The following ANKRD23 variants were observed in gnomAD, a reference collection of about 807,000 sequenced individuals.
ANKRD23 encodes the protein ankyrin repeat domain 23, also known as ankyrin repeat domain-containing protein 23.
ANKRD23 carries 52 observed loss-of-function variants against 38.1 expected under a neutral mutation model. The ratio of observed to expected loss-of-function variants is 1.36; its 90% confidence interval spans 1.09 to 1.72. The LOEUF (loss-of-function observed/expected upper bound fraction) is 1.72, where lower values mean the gene tolerates loss of function less well. ANKRD23 is among the 40% of genes most tolerant of loss of function. The pLI, the probability that ANKRD23 is intolerant of heterozygous loss-of-function variation, is 0.00. For synonymous variants in ANKRD23, 167 were observed against 162.9 expected (o/e 1.03, Z -0.19); for missense variants, 416 against 400.2 (o/e 1.04, Z -0.34).
chr2:96,841,880 G>A (rs1259904700), intron 3 of ANKRD23, among the ~76,000 whole-genome samples, 180 bp downstream of exon 3: 1 of 152,228 alleles, frequency 6.6e-6, no homozygotes, highest in Non-Finnish European at 1.5e-5. Flanking sequence ...TGTCCAGGCT[G>A]TGGGACTTTG....
At chr2:96,841,149 C>A in intron 3 of ANKRD23, 1 of 480,502 alleles carries the variant, frequency 2.1e-6, no homozygotes. Context: ...GAAGTACTAA[C>A]CCCAGGTACC....
chr2:96,841,978 C>G (rs942945973), intron 3 of ANKRD23, 82 bp downstream of exon 3: 2 of 1,589,728 alleles, frequency 1.3e-6, no homozygotes, highest in Non-Finnish European at 1.7e-6. Flanking sequence ...TCCTGGCCTG[C>G]AGTGCCCACT....
intron 3 of ANKRD23, 183 bp from the exon 4 acceptor site, chr2:96,841,095 G>A: frequency 2.9e-6 from 2 of 688,382 alleles, no homozygotes; most frequent in Non-Finnish European, 2.3e-6. Context: ...GTGTGTGTGA[G>A]CGTGTGTGTT....
In ANKRD23 at chr2:96,840,112, G is replaced by T. The variant is rs2079742304; in HGVS notation, c.625-17C>A. The stretch of plus-strand genomic sequence containing the variant: ...GCTCCCGATCTGAGAGCAAGTGGGG[G>T]TCAGTGCTGGGTCTGGATTGGTGAG... On this transcript the variant is annotated splice_polypyrimidine_tract_variant and intron_variant, in intron 6 of 8. Transcript: ENST00000318357. 5.2e-6 allele frequency: 8 copies of T among 1,550,790 alleles called. No homozygotes were observed. In the South Asian group the frequency reaches 9.5e-5, roughly 18 times the overall value.
intron 2 of ANKRD23, 54 bp downstream of exon 2, chr2:96,842,311 C>G: frequency 6.2e-7 from 1 of 1,603,798 alleles, no homozygotes; most frequent in Non-Finnish European, 8.5e-7. Flanking sequence ...CACTGCTCAG[C>G]CGGCCTCAGG....
In ANKRD23 at chr2:96,839,327, G is replaced by T. The variant is rs1054612014; in HGVS notation, c.*222C>A. On this transcript the variant is annotated 3_prime_UTR_variant, in exon 9 of 9. Coordinates refer to ENST00000318357, the MANE Select transcript of ANKRD23 (RefSeq NM_144994.8). ...TTGTGGTCCTCTGCTCCAGCCCTGGGAGGGAACGCGGCTCCCCTGACACTC... is the reference window on the plus strand; with the variant it reads ...TTGTGGTCCTCTGCTCCAGCCCTGGTAGGGAACGCGGCTCCCCTGACACTC... 4.8e-6 allele frequency: 6 copies of T among 1,249,588 alleles called. No individual in the cohort carries two copies. The highest frequency in any genetic ancestry group is 4.0e-6 in the Non-Finnish European group (4 of 999,180). 77.4% of individuals were successfully genotyped at this position (1,249,588 alleles called of 1,614,324 possible). A position where few individuals can be genotyped will look rare whatever the true frequency, so the allele number is the denominator to read the frequency against.
chr2:96,839,135 C>T lies in ANKRD23; in HGVS notation c.*414G>A. ...TGAGTCCCCACACACACAGACTGGCCCTGGAGAGAGCAAGGCAAGCCCCCT... is the reference window on the plus strand; with the variant it reads ...TGAGTCCCCACACACACAGACTGGCTCTGGAGAGAGCAAGGCAAGCCCCCT... On this transcript the variant is annotated 3_prime_UTR_variant, in exon 9 of 9. Transcript: ENST00000318357. 4.0e-6 allele frequency: 4 copies of T among 999,904 alleles called. No homozygotes were observed. The highest frequency in any genetic ancestry group is 4.7e-5 in the South Asian group (1 of 21,462). The allele number at this position is 999,904 out of a possible 1,614,324, so 61.9% of individuals were successfully genotyped here. A position where few individuals can be genotyped will look rare whatever the true frequency, so the allele number is the denominator to read the frequency against.
intron 1 of ANKRD23, 89 bp downstream of exon 1, chr2:96,843,877 C>G: frequency 7.4e-7 from 1 of 1,356,690 alleles, no homozygotes; most frequent in Non-Finnish European, 1.0e-6. Context: ...ACCCTCACAC[C>G]ACAGAAAGAA....
rs549401513 is a variant in ANKRD23 at position 96,840,914 on chromosome 2, T to C, written c.301-2A>G. The C allele has an allele frequency of 1.2e-6, 2 of 1,613,768 alleles. No individual in the cohort carries two copies. The highest frequency in any genetic ancestry group is 2.2e-5 in the South Asian group (2 of 91,050). ...CTCCACCTGGGCCTGGGACTGCGGC[T>C]GGTTCAGTTGAAGACAAGACCAAAT... On this transcript the variant is annotated splice_acceptor_variant, in intron 3 of 8. Transcript: ENST00000318357. LOFTEE classifies it high-confidence loss of function.
In ANKRD23 at chr2:96,840,663, C is replaced by T. The variant is rs2079749826; in HGVS notation, c.426+124G>A. On this transcript the variant is annotated intron_variant, in intron 4 of 8. Transcript: ENST00000318357. ...GCTCCCTCTCCTCCGTCTGCAGGTGCCACTGGATTCATGCCCATAAGAGTG... is the reference window on the plus strand; with the variant it reads ...GCTCCCTCTCCTCCGTCTGCAGGTGTCACTGGATTCATGCCCATAAGAGTG... 11 of 1,520,764 alleles carry T rather than the reference C, an allele frequency of 7.2e-6. No homozygotes were observed. In the South Asian group the frequency reaches 1.1e-4, roughly 15 times the overall value. 94.2% of individuals were successfully genotyped at this position (1,520,764 alleles called of 1,614,324 possible). A position where few individuals can be genotyped will look rare whatever the true frequency, so the allele number is the denominator to read the frequency against.
intron 1 of ANKRD23, among the ~76,000 whole-genome samples, chr2:96,843,159 T>C (rs768989279): frequency 4.6e-5 from 7 of 152,118 alleles, no homozygotes; most frequent in Non-Finnish European, 1.0e-4. Context: ...AATCAGCCTG[T>C]TGTGGGGAAA....
At position 96,840,079 on chromosome 2, in the gene ANKRD23, A is replaced by AG. The variant is rs751648755; in HGVS notation, c.640dup (p.Leu214ProfsTer28). 2.6e-6 allele frequency: 4 copies of AG among 1,558,778 alleles called. No homozygotes were observed. In the Admixed American group the frequency reaches 5.8e-5, roughly 23 times the overall value. Reference sequence around the variant, plus strand: ...GTGCCGGGTGCGCACTGCCACGTGCAGGGGGGTGCTCCCGATCTGAGAGCA... The same window carrying AG: ...GTGCCGGGTGCGCACTGCCACGTGCAGGGGGGGTGCTCCCGATCTGAGAGCA... On this transcript the variant is annotated frameshift_variant, in exon 7 of 9. Transcript: ENST00000318357. LOFTEE classifies it high-confidence loss of function.
At chr2:96,841,126 C>T (rs1030311759) in intron 3 of ANKRD23, 7 of 553,382 alleles carry the variant, frequency 1.3e-5, no homozygotes, top group Admixed American at 3.5e-5. Context: ...TTGTATCTCC[C>T]CAAGATTCGT....
In ANKRD23 at chr2:96,838,828, A is replaced by G. The variant is rs2079722893; in HGVS notation, c.*721T>C. 12 of 985,374 alleles carry G rather than the reference A, an allele frequency of 1.2e-5. No individual in the cohort carries two copies. The highest frequency in any genetic ancestry group is 1.7e-5 in the African/African-American group (1 of 57,238). 61.0% of individuals were successfully genotyped at this position (985,374 alleles called of 1,614,324 possible). A position where few individuals can be genotyped will look rare whatever the true frequency, so the allele number is the denominator to read the frequency against. On this transcript the variant is annotated 3_prime_UTR_variant, in exon 9 of 9. Coordinates refer to ENST00000318357, the MANE Select transcript of ANKRD23 (RefSeq NM_144994.8). ...ATGCGCGCTCCAGCTCATCAGTCTTAGGGCTTCTGAGGCAACCTAGTGGGT... is the reference window on the plus strand; with the variant it reads ...ATGCGCGCTCCAGCTCATCAGTCTTGGGGCTTCTGAGGCAACCTAGTGGGT...
In ANKRD23 at chr2:96,842,107, G is replaced by A. The variant is rs141023516; in HGVS notation, c.253C>T (p.Arg85Ter). 6.8e-6 allele frequency: 11 copies of A among 1,614,014 alleles called. No homozygotes were observed. The highest frequency in any genetic ancestry group is 4.0e-5 in the African/African-American group (3 of 74,920). ...LENLVQRRKKRLRHRVPPRKP... is the reference protein window; with the variant it reads ...LENLVQRRKK ...CTGGGGGGGACTCTGTGTCTCAGTC[G>A]CTTTTTCCGTCTTTGAACCAAGTTT... The change falls in exon 3 of 9, where the codon CGA becomes TGA. Residue 85 changes from arginine to a stop codon, truncating the protein, a stop_gained. Transcript: ENST00000318357. LOFTEE classifies it high-confidence loss of function.
At position 96,843,949 on chromosome 2, in the gene ANKRD23, C is replaced by G; in HGVS notation, c.27+17G>C. The G allele has an allele frequency of 1.2e-6, 2 of 1,604,544 alleles. No homozygotes were observed. Among genetic ancestry groups the G allele is most frequent in the Non-Finnish European group, 1.7e-6 (2 of 1,175,798 alleles). On this transcript the variant is annotated intron_variant, in intron 1 of 8. Coordinates refer to ENST00000318357, the MANE Select transcript of ANKRD23 (RefSeq NM_144994.8). ...GCCGGTCCCAGGGTGCCTCCCACCT[C>G]CGTCCCACATCCTTACCAACTGCTG... is the stretch of plus-strand genomic sequence containing the variant.
At position 96,841,063 on chromosome 2, in the gene ANKRD23, G is replaced by A. The variant is rs948773877; in HGVS notation, c.301-151C>T. The A allele has an allele frequency of 6.7e-5, 60 of 900,516 alleles. No homozygotes were observed. The Middle Eastern group carries it at 1.2e-3, about 18-fold the overall frequency. 55.8% of individuals were successfully genotyped at this position (900,516 alleles called of 1,614,324 possible). A position where few individuals can be genotyped will look rare whatever the true frequency, so the allele number is the denominator to read the frequency against. On this transcript the variant is annotated intron_variant, in intron 3 of 8. Coordinates refer to ENST00000318357, the MANE Select transcript of ANKRD23 (RefSeq NM_144994.8). ...ATGCAGTTTCTTATTCTAATCCCAC[G>A]CCAGGAGATTGAATAGACTGTGTGT... is the stretch of plus-strand genomic sequence containing the variant.
chr2:96,838,481 G>T lies in ANKRD23; in HGVS notation c.*1068C>A. The T allele has an allele frequency of 2.0e-6, 2 of 986,732 alleles. No homozygotes were observed. Among genetic ancestry groups the T allele is most frequent in the Non-Finnish European group, 2.4e-6 (2 of 830,242 alleles). The allele number at this position is 986,732 out of a possible 1,614,324, so 61.1% of individuals were successfully genotyped here. A position where few individuals can be genotyped will look rare whatever the true frequency, so the allele number is the denominator to read the frequency against. ...GCAGGGAAGGGATGGGAAGGGCTGGGGGGCGGCGGGGGCTCACCTTCCTCT... is the reference window on the plus strand; with the variant it reads ...GCAGGGAAGGGATGGGAAGGGCTGGTGGGCGGCGGGGGCTCACCTTCCTCT... On this transcript the variant is annotated 3_prime_UTR_variant, in exon 9 of 9. Transcript: ENST00000318357.
rs1455404216 is a variant in ANKRD23, at chr2:96,839,776, G to A, written c.773C>T (p.Ala258Val). Residue 258 changes from alanine (A) to valine (V), a missense_variant, in exon 8 of 9, where the codon GCC becomes GTC. Ala to Val is a moderately conservative substitution (Grantham distance 64, BLOSUM62 0). Coordinates refer to ENST00000318357, the MANE Select transcript of ANKRD23 (RefSeq NM_144994.8). ...CCCATAGAGCAGCAGTAGCTTCATG[G>A]CTTTGTAGCTGCCGTGCCGCACGGC... ...HEAVRHGSYK[A>V]MKLLLLYGAE... 2 of 1,613,500 alleles carry A rather than the reference G, an allele frequency of 1.2e-6. No homozygotes were observed. Among genetic ancestry groups the A allele is most frequent in the South Asian group, 2.2e-5 (2 of 91,060 alleles).
Sources: allele counts gnomAD v4.1 joint callset (sites outside exome capture counted in the v4.1 genomes callset), GRCh38; gene constraint gnomAD v4.1.1; transcripts MANE v1.5; gene names NCBI Gene and HGNC (gene_info 2026-07-23, HGNC 2026-07-21).